RSRC1: variants seen among roughly 807,000 people sequenced by gnomAD.
RSRC1 encodes serine/Arginine-related protein 53.
RSRC1 carries 39 observed loss-of-function variants against 49.1 expected under a neutral mutation model. The ratio of observed to expected loss-of-function variants is 0.79; its 90% CI spans 0.61 to 1.04. The LOEUF is 1.04. RSRC1 is among the 50% of genes least tolerant of loss of function. The pLI is 0.00. For synonymous variants in RSRC1, 143 were observed against 130.8 expected (o/e 1.09, Z -0.63); for missense variants, 388 against 402.4 (o/e 0.96, Z 0.31).
At chr3:158,519,095 G>A (rs1042444102) in intron 7 of RSRC1, among the ~76,000 whole-genome samples, 10 of 152,022 alleles carry the variant, frequency 6.6e-5, no homozygotes, top group South Asian at 4.1e-4. Context: ...GGTCTTTCTC[G>A]TTGTAATGAA....
chr3:158,119,553 C>G (rs935729730), intron 1 of RSRC1, among the ~76,000 whole-genome samples: 3 of 151,812 alleles, frequency 2.0e-5, no homozygotes, highest in Non-Finnish European at 4.4e-5. Context: ...GAATTAAAAG[C>G]CAAGAAATGA....
intron 6 of RSRC1, among the ~76,000 whole-genome samples, chr3:158,379,930 T>C (rs1019165537): frequency 1.3e-5 from 2 of 151,958 alleles, no homozygotes; most frequent in Admixed American, 1.3e-4. Context: ...TATCTGTCTC[T>C]ACCCACTAGA....
chr3:158,376,550 C>T (rs1465785942), intron 6 of RSRC1, among the ~76,000 whole-genome samples: 2 of 152,088 alleles, frequency 1.3e-5, no homozygotes, highest in Non-Finnish European at 2.9e-5. Flanking sequence ...CCTCAACTAA[C>T]TTGGTCCACT....
Position 158,170,358 on chromosome 3 carries a change from T to C in RSRC1, c.321-32714T>C, listed in dbSNP as rs117029715. Among the ~76,000 whole-genome samples the C allele has an allele frequency of 8.9e-3, 1,355 of 151,832 alleles. 41 individuals carry two copies. Among genetic ancestry groups the C allele is most frequent in the Admixed American group, 0.064 (965 of 15,168 alleles). ...CTCTTCCTTGTTCTCCCTTTTACCATTTTTATTGTATAGTATATATGTTTC... is the reference window on the plus strand; with the variant it reads ...CTCTTCCTTGTTCTCCCTTTTACCACTTTTATTGTATAGTATATATGTTTC... On this transcript the variant is annotated intron_variant, in intron 3 of 9. Coordinates refer to ENST00000611884, the MANE Select transcript of RSRC1 (RefSeq NM_001271838.2).
At position 158,121,145 on chromosome 3, in the gene RSRC1, C is replaced by T. The variant is rs562325779; in HGVS notation, c.-2-958C>T. Among the ~76,000 whole-genome samples, 6 of 151,842 alleles carry T rather than the reference C, an allele frequency of 4.0e-5. No homozygotes were observed. The East Asian group carries it at 1.2e-3, about 29-fold the overall frequency. Reference sequence around the variant, plus strand: ...TTTTCTTAAATTATCTCAATGGATACCACTATAATAATGCTGTGATGAATA... The same window carrying T: ...TTTTCTTAAATTATCTCAATGGATATCACTATAATAATGCTGTGATGAATA... On this transcript the variant is annotated intron_variant, in intron 1 of 9. Transcript: ENST00000611884.
chr3:158,236,826 G>A (rs1394531364), intron 4 of RSRC1, among the ~76,000 whole-genome samples: 2 of 152,132 alleles, frequency 1.3e-5, no homozygotes, highest in Non-Finnish European at 2.9e-5. Flanking sequence ...AGGAGGTTGG[G>A]GGTTTTATAA....
intron 3 of RSRC1, among the ~76,000 whole-genome samples, chr3:158,144,972 T>G (rs1298457840): frequency 6.6e-6 from 1 of 152,220 alleles, no homozygotes; most frequent in Non-Finnish European, 1.5e-5. Context: ...GCCCACTTGT[T>G]GATGGGGTTG....
intron 5 of RSRC1, among the ~76,000 whole-genome samples, chr3:158,352,967 T>C (rs1455710333): frequency 6.6e-6 from 1 of 152,210 alleles, no homozygotes; most frequent in African/African-American, 2.4e-5. Flanking sequence ...TGCTTTGATA[T>C]TTTAATTTGA....
chr3:158,311,975 A>T (rs1173964327), intron 5 of RSRC1, among the ~76,000 whole-genome samples: 1 of 152,124 alleles, frequency 6.6e-6, no homozygotes, highest in Non-Finnish European at 1.5e-5. Context: ...ATTGAGAAAG[A>T]GTATTAATCC....
At chr3:158,194,028 T>C (rs1056543520) in intron 3 of RSRC1, among the ~76,000 whole-genome samples, 14 of 150,402 alleles carry the variant, frequency 9.3e-5, no homozygotes, top group Admixed American at 2.0e-4. Flanking sequence ...AAGACCAGTC[T>C]GGGCAAAATA....
At position 158,195,608 on chromosome 3, in the gene RSRC1, T is replaced by C. The variant is rs569646519; in HGVS notation, c.321-7464T>C. ...TCCTGAATGGTATTGCCTAGGTTTTTTCTAGGGTTTTTATGGTTTTAGGTC... is the reference window on the plus strand; with the variant it reads ...TCCTGAATGGTATTGCCTAGGTTTTCTCTAGGGTTTTTATGGTTTTAGGTC... On this transcript the variant is annotated intron_variant, in intron 3 of 9. Coordinates refer to ENST00000611884, the MANE Select transcript of RSRC1 (RefSeq NM_001271838.2). Among the ~76,000 whole-genome samples the C allele has an allele frequency of 5.0e-3, 763 of 152,126 alleles. 6 individuals are homozygous for C. Among genetic ancestry groups the C allele is most frequent in the Non-Finnish European group, 7.3e-3 (497 of 67,952 alleles).
At chr3:158,363,965 A>G (rs1186280934) in intron 6 of RSRC1, among the ~76,000 whole-genome samples, 1 of 152,182 alleles carries the variant, frequency 6.6e-6, no homozygotes, top group African/African-American at 2.4e-5. Context: ...ACTGTATCCA[A>G]GTAATAAGCT....
intron 5 of RSRC1, among the ~76,000 whole-genome samples, chr3:158,318,679 G>A (rs17683843): frequency 0.21 from 31,891 of 152,118 alleles, 3,501 homozygotes; most frequent in South Asian, 0.32. Context: ...TGCTGTATGT[G>A]TAAAGTATTT....
intron 4 of RSRC1, among the ~76,000 whole-genome samples, chr3:158,294,505 ACAGTTT>A (rs1727121300): frequency 6.6e-6 from 1 of 152,038 alleles, no homozygotes; most frequent in South Asian, 2.1e-4. Flanking sequence ...TATACATCTT[ACAGTTT>A]TCCTTGTGGG....
At chr3:158,229,029 T>C (rs1330157918) in intron 4 of RSRC1, among the ~76,000 whole-genome samples, 1 of 101,786 alleles carries the variant, frequency 9.8e-6, no homozygotes, top group Non-Finnish European at 2.1e-5. Context: ...TACGTGTATA[T>C]GTGTGTATAA....
At chr3:158,235,570 A>G (rs961453602) in intron 4 of RSRC1, among the ~76,000 whole-genome samples, 4 of 152,232 alleles carry the variant, frequency 2.6e-5, no homozygotes, top group Non-Finnish European at 4.4e-5. Context: ...CATATGTCAT[A>G]CAAAATGATG....
intron 4 of RSRC1, among the ~76,000 whole-genome samples, chr3:158,241,579 G>A (rs1723581504): frequency 6.6e-6 from 1 of 151,404 alleles, no homozygotes; most frequent in South Asian, 2.1e-4. Context: ...AAATGCTAGT[G>A]GACTAATAAA....
intron 7 of RSRC1, among the ~76,000 whole-genome samples, chr3:158,504,724 A>G (rs559105574): frequency 1.6e-3 from 250 of 152,328 alleles, no homozygotes; most frequent in African/African-American, 5.9e-3. Flanking sequence ...TGGCAAGTGT[A>G]TCCAAATGTT....
intron 5 of RSRC1, among the ~76,000 whole-genome samples, chr3:158,351,796 T>C (rs1461268624): frequency 2.6e-5 from 4 of 150,988 alleles, no homozygotes; most frequent in Non-Finnish European, 1.5e-5. Flanking sequence ...GTCTTTGAAA[T>C]ATGAATCCTG....
Sources: allele counts gnomAD v4.1 joint callset (sites outside exome capture counted in the v4.1 genomes callset), GRCh38; gene constraint gnomAD v4.1.1; transcripts MANE v1.5; gene names NCBI Gene and HGNC (gene_info 2026-07-23, HGNC 2026-07-21).